Variants in TECRL observed in about 807,000 individuals in gnomAD.
TECRL encodes trans-2,3-enoyl-CoA reductase like, also known as trans-2,3-enoyl-CoA reductase-like.
TECRL carries 63 observed loss-of-function variants against 52.8 expected under a neutral mutation model. That is an observed-to-expected ratio of 1.19 (90% CI 0.97 to 1.47). The LOEUF (loss-of-function observed/expected upper bound fraction) is 1.47, where lower values mean the gene tolerates loss of function less well. Ranked by LOEUF, TECRL falls within the 40% of genes most tolerant of loss-of-function variation. The pLI, the probability that TECRL is intolerant of heterozygous loss-of-function variation, is 0.00. For missense variants in TECRL, 482 were observed against 429.6 expected (o/e 1.12, Z -1.08); for synonymous variants, 164 against 141.9 (o/e 1.16, Z -1.10).
chr4:64,289,579 A>G, intron 9 of TECRL, 131 bp downstream of exon 9: 1 of 702,998 alleles, frequency 1.4e-6, no homozygotes, highest in South Asian at 2.2e-5. Context: ...TAGACATAAA[A>G]GGGAAAAAAT....
chr4:64,324,866 G>T (rs1407793830), intron 3 of TECRL, among the ~76,000 whole-genome samples: 1 of 152,104 alleles, frequency 6.6e-6, no homozygotes, highest in Non-Finnish European at 1.5e-5. Context: ...GTGGTAGGCA[G>T]ATTTCTTAGA....
At chr4:64,319,826 C>G (rs1717772897) in intron 4 of TECRL, among the ~76,000 whole-genome samples, 1 of 151,828 alleles carries the variant, frequency 6.6e-6, no homozygotes, top group Non-Finnish European at 1.5e-5. Flanking sequence ...GGACACTATG[C>G]TTACAGAAAA....
intron 4 of TECRL, among the ~76,000 whole-genome samples, chr4:64,320,556 A>G (rs1717830427): frequency 6.6e-6 from 1 of 152,148 alleles, no homozygotes; most frequent in East Asian, 1.9e-4. Context: ...TTCCTCTCAA[A>G]CAAGCTATAA....
chr4:64,385,120 G>C (rs1723084762), intron 1 of TECRL, among the ~76,000 whole-genome samples: 1 of 152,092 alleles, frequency 6.6e-6, no homozygotes, highest in African/African-American at 2.4e-5. Context: ...TCCAGTTCCT[G>C]CACAATCCTC....
At chr4:64,324,656 A>C (rs931230380) in intron 3 of TECRL, among the ~76,000 whole-genome samples, 2 of 152,132 alleles carry the variant, frequency 1.3e-5, no homozygotes, top group Non-Finnish European at 2.9e-5. Flanking sequence ...TAACAGCCAG[A>C]TAATTTAGGT....
At position 64,280,004 on chromosome 4, in the gene TECRL, A is replaced by C. The variant is rs555279932; in HGVS notation, c.*68T>G. 44 of 1,511,560 alleles carry C rather than the reference A, an allele frequency of 2.9e-5. 1 individual carries two copies. In the South Asian group the frequency reaches 5.6e-4, roughly 19 times the overall value. The allele number at this position is 1,511,560 out of a possible 1,614,324, so 93.6% of individuals were successfully genotyped here. A position where few individuals can be genotyped will look rare whatever the true frequency, so the allele number is the denominator to read the frequency against. On this transcript the variant is annotated 3_prime_UTR_variant, in exon 12 of 12. Transcript: ENST00000381210. ...AATTGTTGGAGTATAATAGTTAACT[A>C]TCCTTAACTAAGTCTTATTTATTGA...
chr4:64,386,610 T>C (rs1200732614), intron 1 of TECRL, among the ~76,000 whole-genome samples: 1 of 152,184 alleles, frequency 6.6e-6, no homozygotes, highest in African/African-American at 2.4e-5. Context: ...TTATCCTTCA[T>C]TGTCTTTTAA....
intron 1 of TECRL, 47 bp from the exon 2 acceptor site, chr4:64,375,270 G>C (rs766492841): frequency 1.3e-5 from 13 of 1,004,300 alleles, no homozygotes; most frequent in Admixed American, 3.6e-5. Flanking sequence ...CTGTTAATTT[G>C]TTTTCTATCC....
chr4:64,281,425 T>C, intron 10 of TECRL, 49 bp downstream of exon 10: 10 of 1,100,680 alleles, frequency 9.1e-6, no homozygotes, highest in South Asian at 1.4e-5. Flanking sequence ...CACATGCATT[T>C]AGTATATCAT....
intron 2 of TECRL, among the ~76,000 whole-genome samples, chr4:64,335,322 A>T (rs1454908392): frequency 6.6e-6 from 1 of 152,140 alleles, no homozygotes; most frequent in Admixed American, 6.5e-5. Context: ...CATGTGAGGA[A>T]TCTAGGTTGC....
intron 2 of TECRL, among the ~76,000 whole-genome samples, chr4:64,374,950 C>T (rs1722291836): frequency 6.6e-6 from 1 of 151,922 alleles, no homozygotes; most frequent in Admixed American, 6.6e-5. Context: ...TTAAAAACAA[C>T]TTTGTGAAGA....
chr4:64,406,432 A>G (rs907981057), intron 1 of TECRL, among the ~76,000 whole-genome samples: 3 of 151,916 alleles, frequency 2.0e-5, no homozygotes, highest in Admixed American at 6.6e-5. Context: ...AAATATTAAG[A>G]AGTCAAATTT....
At chr4:64,374,657 C>A (rs952399562) in intron 2 of TECRL, among the ~76,000 whole-genome samples, 1 of 151,590 alleles carries the variant, frequency 6.6e-6, no homozygotes, top group African/African-American at 2.4e-5. Context: ...TGAGAACATG[C>A]GGTGTTTGGT....
At chr4:64,323,165 T>C (rs904219880) in intron 3 of TECRL, among the ~76,000 whole-genome samples, 7 of 151,884 alleles carry the variant, frequency 4.6e-5, no homozygotes, top group African/African-American at 1.7e-4. Flanking sequence ...TTTGTCGAGC[T>C]GAGGTGAGCA....
At chr4:64,358,872 T>C (rs1489689131) in intron 2 of TECRL, among the ~76,000 whole-genome samples, 1 of 151,856 alleles carries the variant, frequency 6.6e-6, no homozygotes, top group African/African-American at 2.4e-5. Flanking sequence ...AGGAGGAATC[T>C]AAGTAACTTT....
At chr4:64,377,022 A>G (rs1217216388) in intron 1 of TECRL, among the ~76,000 whole-genome samples, 3 of 152,180 alleles carry the variant, frequency 2.0e-5, no homozygotes, top group South Asian at 2.1e-4. Context: ...AATGCAATAG[A>G]CAAACTTCTA....
chr4:64,408,437 A>T lies in TECRL; in HGVS notation c.234+681T>A, dbSNP rs535669637. Among the ~76,000 whole-genome samples, 9 of 152,052 alleles carry T rather than the reference A, an allele frequency of 5.9e-5. No individual in the cohort carries two copies. In the South Asian group the frequency reaches 1.9e-3, roughly 32 times the overall value. The stretch of plus-strand genomic sequence containing the variant: ...ATTTATGCATATATTTATCTAAAAT[A>T]TAAACATATATTTATAATTTAGTTT... On this transcript the variant is annotated intron_variant, in intron 1 of 11. Transcript: ENST00000381210.
chr4:64,343,005 T>C (rs1025670779), intron 2 of TECRL, among the ~76,000 whole-genome samples: 4 of 151,950 alleles, frequency 2.6e-5, no homozygotes, highest in Non-Finnish European at 5.9e-5. Context: ...AAACCAGCAA[T>C]AGTCATAATA....
At chr4:64,373,124 G>GT (rs1489441972) in intron 2 of TECRL, among the ~76,000 whole-genome samples, 2 of 151,452 alleles carry the variant, frequency 1.3e-5, no homozygotes, top group African/African-American at 4.8e-5. Context: ...GTGTTTTTGT[G>GT]TGTCTTCAAT....
Sources: allele counts gnomAD v4.1 joint callset (sites outside exome capture counted in the v4.1 genomes callset), GRCh38; gene constraint gnomAD v4.1.1; transcripts MANE v1.5; gene names NCBI Gene and HGNC (gene_info 2026-07-23, HGNC 2026-07-21).